Variants in OPCML observed in about 807,000 individuals in gnomAD.
OPCML encodes the protein opioid-binding protein/cell adhesion molecule.
A neutral mutation model predicts 37.8 loss-of-function variants in OPCML; 13 were observed. The observed-to-expected ratio is 0.34, with a 90% CI of 0.22 to 0.55. OPCML has a LOEUF of 0.55. OPCML is among the 20% of genes least tolerant of loss of function. OPCML has a pLI of 0.91. For missense variants in OPCML, 341 were observed against 435.6 expected (o/e 0.78, Z 1.93); for synonymous variants, 176 against 168.8 (o/e 1.04, Z -0.33).
chr11:132,884,702 C>G (rs1221489030), intron 2 of OPCML, among the ~76,000 whole-genome samples: 1 of 152,164 alleles, frequency 6.6e-6, no homozygotes, highest in East Asian at 1.9e-4. Context: ...TGCAAGCTTT[C>G]ATTAGTGGCT....
At chr11:133,437,256 T>G (rs912955699) in intron 1 of OPCML, among the ~76,000 whole-genome samples, 19 of 152,200 alleles carry the variant, frequency 1.2e-4, no homozygotes, top group African/African-American at 4.6e-4. Flanking sequence ...TGGAGCTTGT[T>G]CTGCCTGCCA....
In OPCML at chr11:133,212,741, T is replaced by A. The variant is rs73598437; in HGVS notation, c.62-269731A>T. On this transcript the variant is annotated intron_variant, in intron 1 of 7. Coordinates refer to ENST00000524381, the MANE Select transcript of OPCML (RefSeq NM_001012393.5). The surrounding 1 kb of genome is among the most constrained non-coding windows in gnomAD (Gnocchi z 4.9). ...TATTATCCATTCGCTTAGAATAGTGTTTGAATGAATGAAGGGATTTCCCAG... is the reference window on the plus strand; with the variant it reads ...TATTATCCATTCGCTTAGAATAGTGATTGAATGAATGAAGGGATTTCCCAG... 0.034 allele frequency among the ~76,000 whole-genome samples: 5,202 copies of A among 152,268 alleles called. 302 individuals carry two copies. The highest frequency in any genetic ancestry group is 0.12 in the African/African-American group (4,996 of 41,530).
intron 1 of OPCML, among the ~76,000 whole-genome samples, chr11:133,265,169 C>T (rs936282486): frequency 5.3e-5 from 8 of 152,144 alleles, no homozygotes; most frequent in African/African-American, 1.4e-4. Context: ...AGTTCCCAAG[C>T]GTCACATCTC....
intron 4 of OPCML, among the ~76,000 whole-genome samples, chr11:132,517,745 T>C (rs897914847): frequency 6.6e-6 from 1 of 152,230 alleles, no homozygotes; most frequent in Non-Finnish European, 1.5e-5. Context: ...TTGAGTTAGT[T>C]GGGCTTTTCA....
At chr11:133,262,958 G>T (rs1307591001) in intron 1 of OPCML, among the ~76,000 whole-genome samples, 2 of 151,836 alleles carry the variant, frequency 1.3e-5, no homozygotes, top group Admixed American at 6.6e-5. Context: ...AGCTGGGGAA[G>T]ACACCCTAGA....
intron 1 of OPCML, among the ~76,000 whole-genome samples, chr11:133,314,749 G>A (rs1417432195): frequency 6.6e-6 from 1 of 152,162 alleles, no homozygotes; most frequent in Non-Finnish European, 1.5e-5. Context: ...AGGACGCTAA[G>A]GCTCCATGTG....
chr11:133,007,580 A>G, intron 1 of OPCML: 2 of 985,496 alleles, frequency 2.0e-6, no homozygotes, highest in South Asian at 4.7e-5. Flanking sequence ...GGTAAAACTT[A>G]AAACTCTAGA....
chr11:132,745,993 T>C (rs1945621454), intron 2 of OPCML, among the ~76,000 whole-genome samples: 1 of 152,122 alleles, frequency 6.6e-6, no homozygotes, highest in South Asian at 2.1e-4. Context: ...GGAAGCTCTG[T>C]CCCTGGGGAC....
chr11:132,892,452 A>G (rs1943685803), intron 2 of OPCML, among the ~76,000 whole-genome samples: 1 of 152,228 alleles, frequency 6.6e-6, no homozygotes, highest in African/African-American at 2.4e-5. Context: ...ACAAAGAGAG[A>G]GGCCCTTTCT....
At chr11:132,644,265 G>A (rs1941024065) in intron 3 of OPCML, among the ~76,000 whole-genome samples, 1 of 152,028 alleles carries the variant, frequency 6.6e-6, no homozygotes, top group Non-Finnish European at 1.5e-5. Context: ...CACGATTTAG[G>A]TGACATTCTA....
intron 1 of OPCML, among the ~76,000 whole-genome samples, chr11:133,114,270 T>C (rs1949298755): frequency 6.6e-6 from 1 of 152,184 alleles, no homozygotes; most frequent in Non-Finnish European, 1.5e-5. Context: ...CTGCTCCTTC[T>C]ATGGTCTTCC....
At chr11:132,516,257 T>C (rs1305079294) in intron 4 of OPCML, among the ~76,000 whole-genome samples, 1 of 152,166 alleles carries the variant, frequency 6.6e-6, no homozygotes, top group East Asian at 1.9e-4. Flanking sequence ...GCTTGGGAGA[T>C]AAGTCTGCAA....
At chr11:132,534,605 G>A (rs1428729385) in intron 3 of OPCML, among the ~76,000 whole-genome samples, 7 of 152,160 alleles carry the variant, frequency 4.6e-5, no homozygotes, top group Admixed American at 3.3e-4. Context: ...CCTGCATAAA[G>A]TTGATATGAT....
At chr11:133,345,749 TTCTTC>T in intron 1 of OPCML, among the ~76,000 whole-genome samples, 1 of 152,182 alleles carries the variant, frequency 6.6e-6, no homozygotes. Flanking sequence ...GCTCTTCTGG[TTCTTC>T]TAGTGGTATC....
chr11:132,880,623 A>G lies in OPCML; in HGVS notation c.146+62303T>C, dbSNP rs574408145. On this transcript the variant is annotated intron_variant, in intron 2 of 7. Transcript: ENST00000524381. ...TTAGGCCATTTTACAAAAAAACTCA[A>G]TTAAAACGTACAAAATAAAGTGAAC... 1.9e-3 allele frequency among the ~76,000 whole-genome samples: 284 copies of G among 152,368 alleles called. 1 individual carries two copies. Among genetic ancestry groups the G allele is most frequent in the Middle Eastern group, 6.8e-3 (2 of 294 alleles).
rs1939812163 is a variant in OPCML, at chr11:132,819,019, A to G, written c.146+123907T>C. Among the ~76,000 whole-genome samples, 3 of 151,704 alleles carry G rather than the reference A, an allele frequency of 2.0e-5. No homozygotes were observed. In the South Asian group the frequency reaches 6.2e-4, roughly 31 times the overall value. On this transcript the variant is annotated intron_variant, in intron 2 of 7. Transcript: ENST00000524381. ...AAGTAAAGTTACAAAGTCGAAAAAA[A>G]AAAAAAAGAACCATATATGGGTCTA... is the stretch of plus-strand genomic sequence containing the variant.
In OPCML at chr11:132,420,035, T is replaced by G; in HGVS notation, c.*158A>C. ...CAACCCCACTCATTCAAGCTGGAAATAAAAGCAAACAAACAAATAAACAAA... is the reference window on the plus strand; with the variant it reads ...CAACCCCACTCATTCAAGCTGGAAAGAAAAGCAAACAAACAAATAAACAAA... On this transcript the variant is annotated 3_prime_UTR_variant, in exon 8 of 8. Transcript: ENST00000524381. The G allele has an allele frequency of 4.5e-6, 1 of 220,060 alleles. No homozygotes were observed. The highest frequency in any genetic ancestry group is 4.2e-5 in the South Asian group (1 of 24,068). 13.6% of individuals were successfully genotyped at this position (220,060 alleles called of 1,614,324 possible).
intron 1 of OPCML, among the ~76,000 whole-genome samples, chr11:133,281,797 G>A (rs1014668684): frequency 1.3e-5 from 2 of 152,092 alleles, no homozygotes; most frequent in Non-Finnish European, 2.9e-5. Context: ...ATGGTCTCGG[G>A]TGGAAATAAT....
At chr11:132,712,696 C>T (rs1021653685) in intron 2 of OPCML, among the ~76,000 whole-genome samples, 3 of 152,216 alleles carry the variant, frequency 2.0e-5, no homozygotes, top group African/African-American at 7.2e-5. Context: ...TGAGCTGCCG[C>T]TTCCCACTCA....
Sources: gnomAD v4.1 joint callset for allele counts (sites outside exome capture counted in the v4.1 genomes callset) on GRCh38, gnomAD v4.1.1 for gene constraint, Gnocchi (gnomAD v3.1) non-coding constraint, MANE v1.5 for transcripts, NCBI Gene and HGNC (gene_info 2026-07-23, HGNC 2026-07-21) for gene names.